CFAP47: variants seen among roughly 807,000 people sequenced by gnomAD.
CFAP47 encodes the protein cilia and flagella associated protein 47.
Under a neutral mutation model 148.1 loss-of-function variants are expected in CFAP47, and 29 were observed. That is an observed-to-expected ratio of 0.20 (90% CI 0.15 to 0.27). The LOEUF (loss-of-function observed/expected upper bound fraction) is 0.27. Ranked by LOEUF, CFAP47 falls within the 10% of genes least tolerant of loss-of-function variation. The pLI is 1.00. For missense variants in CFAP47, 1,872 were observed against 1,697.5 expected, an observed-to-expected ratio of 1.10 and a Z score of -1.81; for synonymous variants, 664 against 577.3, an observed-to-expected ratio of 1.15 and a Z score of -2.15.
intron 51 of CFAP47, among the ~76,000 whole-genome samples, chrX:36,297,681 G>A (rs1024130283): frequency 9.0e-6 from 1 of 111,390 alleles, no homozygotes; most frequent in Non-Finnish European, 1.9e-5. Context: ...ATGTACCTTG[G>A]GGGAAGGACA....
intron 10 of CFAP47, among the ~76,000 whole-genome samples, chrX:35,970,152 G>A (rs757143646): frequency 3.5e-4 from 36 of 103,810 alleles, no homozygotes; most frequent in Non-Finnish European, 4.7e-4. Flanking sequence ...AAAGCCAGAA[G>A]GTGTGAATAC....
intron 35 of CFAP47, chrX:36,144,971 T>C (rs1333819150): frequency 1.6e-6 from 1 of 612,178 alleles, no homozygotes; most frequent in African/African-American, 2.3e-5. Context: ...GAGCCCCTAT[T>C]GGCTTCTGTC....
chrX:36,286,852 A>T (rs2146948240), intron 51 of CFAP47, among the ~76,000 whole-genome samples: 1 of 111,736 alleles, frequency 8.9e-6, no homozygotes, highest in East Asian at 2.8e-4. Flanking sequence ...TATGCAAAAC[A>T]AACAGAAGTA....
intron 62 of CFAP47, among the ~76,000 whole-genome samples, chrX:36,372,722 G>T (rs1941984107): frequency 8.9e-6 from 1 of 111,986 alleles, no homozygotes; most frequent in Non-Finnish European, 1.9e-5. Flanking sequence ...ACCATTGTAT[G>T]TACAGTTCAT....
intron 1 of CFAP47, among the ~76,000 whole-genome samples, chrX:35,922,754 C>T (rs1935597285): frequency 8.9e-6 from 1 of 112,537 alleles, no homozygotes; most frequent in African/African-American, 3.2e-5. Context: ...TGCTGCAAAG[C>T]ACTATTTAGA....
chrX:36,052,020 C>T (rs188104510), intron 26 of CFAP47, among the ~76,000 whole-genome samples: 1 of 111,790 alleles, frequency 8.9e-6, no homozygotes, highest in East Asian at 2.8e-4. Flanking sequence ...CTTTGCCTTC[C>T]ACCATGATTG....
intron 45 of CFAP47, among the ~76,000 whole-genome samples, chrX:36,207,934 G>A (rs782121864): frequency 9.0e-6 from 1 of 111,632 alleles, no homozygotes; most frequent in African/African-American, 3.3e-5. Flanking sequence ...AAAATGCTCC[G>A]GGCTGGTTTT....
chrX:36,003,977 T>C (rs1936949977), intron 21 of CFAP47, among the ~76,000 whole-genome samples: 1 of 95,134 alleles, frequency 1.1e-5, no homozygotes, highest in Admixed American at 1.1e-4. Context: ...CTTTTTTTTT[T>C]TTTTTTTTTT....
intron 29 of CFAP47, among the ~76,000 whole-genome samples, chrX:36,082,974 T>C (rs980178409): frequency 1.8e-5 from 2 of 111,390 alleles, no homozygotes; most frequent in Admixed American, 9.6e-5. Context: ...AAGTCTTCAG[T>C]AAATCTTAGC....
At chrX:36,357,760 C>T (rs975683747) in intron 60 of CFAP47, among the ~76,000 whole-genome samples, 6 of 111,268 alleles carry the variant, frequency 5.4e-5, no homozygotes, top group African/African-American at 2.0e-4. Context: ...ACCTCCTGGT[C>T]CATGCATTCT....
At position 35,951,236 on chromosome X, in the gene CFAP47, C is replaced by T. The variant is rs754506971; in HGVS notation, c.762C>T (p.Cys254=). 8 of 1,205,965 alleles carry T rather than the reference C, an allele frequency of 6.6e-6. No individual in the cohort carries two copies. The highest frequency in any genetic ancestry group is 1.8e-5 in the African/African-American group (1 of 56,934). ...LSMSSDRRLE[C]IHFGPVFFGS... ...TGAGTAGTGACAGAAGGCTGGAATG[C>T]ATACACTTTGGTCCTGTTTTCTTCG... Residue 254 remains cysteine (C), a synonymous_variant, in exon 5 of 64, where the codon TGC becomes TGT. Transcript: ENST00000378653.
chrX:35,941,858 A>C (rs1258761596), intron 3 of CFAP47, among the ~76,000 whole-genome samples: 1 of 111,700 alleles, frequency 9.0e-6, no homozygotes. Context: ...CTTAATAAAT[A>C]TTTGTCTTCT....
intron 33 of CFAP47, among the ~76,000 whole-genome samples, chrX:36,124,628 C>A (rs1438538951): frequency 9.0e-6 from 1 of 111,654 alleles, no homozygotes; most frequent in Non-Finnish European, 1.9e-5. Context: ...CTGCCCCACA[C>A]TGCAACTGCC....
At chrX:36,018,802 CT>C (rs1334081242) in intron 22 of CFAP47, among the ~76,000 whole-genome samples, 208 of 97,679 alleles carry the variant, frequency 2.1e-3, no homozygotes, top group Admixed American at 2.2e-3. Flanking sequence ...CCTGTCCTAT[CT>C]TTTTTTTTTT....
chrX:36,000,705 C>A (rs1936904125), intron 20 of CFAP47, among the ~76,000 whole-genome samples: 1 of 111,463 alleles, frequency 9.0e-6, no homozygotes, highest in Admixed American at 9.5e-5. Context: ...AAGTATATGC[C>A]TTAAATGAAC....
intron 29 of CFAP47, among the ~76,000 whole-genome samples, 194 bp downstream of exon 29, chrX:36,073,558 A>G (rs1031690598): frequency 9.0e-5 from 10 of 111,418 alleles, no homozygotes; most frequent in Non-Finnish European, 1.9e-4. Flanking sequence ...TTTTTAGTAT[A>G]ATGTCATCTT....
At chrX:36,175,573 C>T (rs1259777834) in intron 39 of CFAP47, among the ~76,000 whole-genome samples, 1 of 111,960 alleles carries the variant, frequency 8.9e-6, no homozygotes, top group African/African-American at 3.3e-5. Context: ...AAGTGTCAGT[C>T]TGCCCCTGCT....
At chrX:36,039,881 C>G (rs1211458192) in intron 25 of CFAP47, among the ~76,000 whole-genome samples, 1 of 111,654 alleles carries the variant, frequency 9.0e-6, no homozygotes, top group Non-Finnish European at 1.9e-5. Context: ...TATGTCAGAC[C>G]CATCCATGAT....
intron 29 of CFAP47, among the ~76,000 whole-genome samples, chrX:36,075,780 C>T (rs142430832): frequency 0.011 from 1,239 of 111,198 alleles, 9 homozygotes; most frequent in Non-Finnish European, 0.016. Flanking sequence ...AGAGAGCATG[C>T]GGTATTTGGT....
Sources: gnomAD v4.1 joint callset for allele counts (sites outside exome capture counted in the v4.1 genomes callset) on GRCh38, gnomAD v4.1.1 for gene constraint, MANE v1.5 for transcripts, NCBI Gene and HGNC (gene_info 2026-07-23, HGNC 2026-07-21) for gene names.